The following RELL1 variants were observed in gnomAD, a reference collection of about 807,000 sequenced individuals.
The protein encoded by RELL1 is RELT like 1.
Under a neutral mutation model 23.0 loss-of-function variants are expected in RELL1, and 10 were observed. That is an observed-to-expected ratio of 0.43 (90% CI 0.27 to 0.74). The LOEUF is 0.74. Ranked by LOEUF, RELL1 falls within the 30% of genes least tolerant of loss-of-function variation. The pLI, the probability that RELL1 is intolerant of heterozygous loss-of-function variation, is 0.19. For missense variants in RELL1, 315 were observed against 364.4 expected, an observed-to-expected ratio of 0.86 and a Z score of 1.10; for synonymous variants, 146 against 146.8, an observed-to-expected ratio of 0.99 and a Z score of 0.04.
At chr4:37,618,288 G>A (rs572891880) in intron 6 of RELL1, among the ~76,000 whole-genome samples, 5 of 151,662 alleles carry the variant, frequency 3.3e-5, no homozygotes, top group South Asian at 4.2e-4. Context: ...ATGGCTTGCT[G>A]GAACCTCGAA....
intron 6 of RELL1, among the ~76,000 whole-genome samples, chr4:37,600,556 C>G (rs1367631097): frequency 2.0e-5 from 3 of 152,128 alleles, no homozygotes; most frequent in Non-Finnish European, 4.4e-5. Context: ...TTGTAGAACA[C>G]ACGGGAATTT....
chr4:37,587,897 A>T (rs541666687), downstream of RELL1, among the ~76,000 whole-genome samples: 7 of 152,296 alleles, frequency 4.6e-5, no homozygotes, highest in South Asian at 1.5e-3. Context: ...TGAACCTGGG[A>T]GGCAGAGGTT....
chr4:37,604,804 C>T (rs1577557796), intron 6 of RELL1, among the ~76,000 whole-genome samples: 1 of 72,356 alleles, frequency 1.4e-5, no homozygotes. Context: ...CACAGACACA[C>T]ACACAGACAC....
rs117123649 is a variant in RELL1, at chr4:37,666,541, T to C, written c.89-17041A>G. ...TAGCCATTATTGCTGTGATTATTAT[T>C]ATCTGTGGTAATAAGAGCAAAGCAG... On this transcript the variant is annotated intron_variant, in intron 1 of 6. Transcript: ENST00000454158. 0.016 allele frequency among the ~76,000 whole-genome samples: 2,429 copies of C among 152,356 alleles called. 157 individuals carry two copies. In the South Asian group the frequency reaches 0.17, roughly 11 times the overall value.
At chr4:37,589,558 A>C (rs1718491109), downstream of RELL1, among the ~76,000 whole-genome samples, 1 of 152,092 alleles carries the variant, frequency 6.6e-6, no homozygotes, top group South Asian at 2.1e-4. Flanking sequence ...AATTCTATGA[A>C]CCACTTTGTA....
downstream of RELL1, among the ~76,000 whole-genome samples, chr4:37,609,351 AT>A (rs1386489323): frequency 5.9e-5 from 9 of 152,212 alleles, no homozygotes; most frequent in Non-Finnish European, 1.3e-4. Context: ...AGAAAAAAAG[AT>A]TCCATTCAAA....
At chr4:37,672,230 T>C (rs1239858856) in intron 1 of RELL1, among the ~76,000 whole-genome samples, 1 of 152,144 alleles carries the variant, frequency 6.6e-6, no homozygotes, top group East Asian at 1.9e-4. Context: ...TGTAATCACA[T>C]GGTTGGTTCC....
At chr4:37,633,597 G>T (rs898048733) in intron 5 of RELL1, among the ~76,000 whole-genome samples, 1 of 151,980 alleles carries the variant, frequency 6.6e-6, no homozygotes. Context: ...GTCATGAATT[G>T]TGCTGTTTTG....
intron 4 of RELL1, among the ~76,000 whole-genome samples, chr4:37,635,496 G>T (rs1560339360): frequency 6.6e-6 from 1 of 152,088 alleles, no homozygotes. Context: ...GCATGATGGT[G>T]CGTGCCTGTA....
chr4:37,620,753 T>C (rs893865697), intron 6 of RELL1, among the ~76,000 whole-genome samples: 2 of 152,250 alleles, frequency 1.3e-5, no homozygotes, highest in South Asian at 2.1e-4. Context: ...TTATAGGTTA[T>C]GTCTAACCTG....
intron 1 of RELL1, among the ~76,000 whole-genome samples, chr4:37,661,058 CACAA>C (rs554922388): frequency 5.2e-4 from 78 of 151,442 alleles, no homozygotes; most frequent in South Asian, 2.7e-3. Context: ...AACAAAAAAC[CACAA>C]ACAAACAAAC....
Position 37,649,245 on chromosome 4 carries a change from A to G in RELL1, c.313+31T>C, listed in dbSNP as rs1444586573. 2.6e-6 allele frequency: 4 copies of G among 1,545,542 alleles called. No individual in the cohort carries two copies. In the Admixed American group the frequency reaches 5.1e-5, roughly 20 times the overall value. ...TTTCATATTTAAAAACTGTCTCCTC[A>G]CCCCCAATAAAAAGAGCCCTGGTTA... On this transcript the variant is annotated intron_variant, in intron 2 of 6. Transcript: ENST00000454158.
Position 37,658,386 on chromosome 4 carries a change from C to T in RELL1, c.89-8886G>A, listed in dbSNP as rs9995991. The stretch of plus-strand genomic sequence containing the variant: ...ATATCTGATTCACACTAGTTTATTA[C>T]AGCACTATCAATACTAACAACAGCC... On this transcript the variant is annotated intron_variant, in intron 1 of 6. Coordinates refer to ENST00000454158, the MANE Select transcript of RELL1 (RefSeq NM_001085400.2). Among the ~76,000 whole-genome samples the T allele has an allele frequency of 6.7e-3, 1,028 of 152,302 alleles. 11 individuals carry two copies. Among genetic ancestry groups the T allele is most frequent in the African/African-American group, 0.023 (962 of 41,566 alleles).
chr4:37,605,795 GAAAGAAAGAAAGAAAGAA>G (rs1195226745), downstream of RELL1, among the ~76,000 whole-genome samples: 11 of 76,686 alleles, frequency 1.4e-4, no homozygotes, highest in African/African-American at 5.3e-4. Flanking sequence ...GAAAGAAAGA[GAAAGAAAGAAAGAAAGAA>G]AGAAAGAAAG....
intron 6 of RELL1, among the ~76,000 whole-genome samples, chr4:37,604,264 T>A (rs747455079): frequency 1.3e-5 from 2 of 152,134 alleles, no homozygotes; most frequent in Non-Finnish European, 2.9e-5. Flanking sequence ...AACGTCCCCA[T>A]TCTACATTAC....
chr4:37,597,655 AT>A (rs1299543076), intron 6 of RELL1, among the ~76,000 whole-genome samples: 1 of 152,210 alleles, frequency 6.6e-6, no homozygotes, highest in Non-Finnish European at 1.5e-5. Context: ...AAAGCTTTAA[AT>A]TACCAATTTC....
intron 6 of RELL1, among the ~76,000 whole-genome samples, chr4:37,605,141 G>GT (rs1719155761): frequency 6.6e-6 from 1 of 152,214 alleles, no homozygotes; most frequent in Non-Finnish European, 1.5e-5. Context: ...CTTAGAACGA[G>GT]TACTATGGAG....
rs1036596479 is a variant in RELL1, at chr4:37,620,028, C to T, written c.*4-6686G>A. Reference sequence around the variant, plus strand: ...CTTCCATGAGTTGCATATTATAACCCCCAATTTGAGAAGGGGGCTTAATAA... The same window carrying T: ...CTTCCATGAGTTGCATATTATAACCTCCAATTTGAGAAGGGGGCTTAATAA... On this transcript the variant is annotated intron_variant, in intron 6 of 6. Transcript: ENST00000454158. Among the ~76,000 whole-genome samples the T allele has an allele frequency of 2.0e-5, 3 of 152,014 alleles. No homozygotes were observed. In the East Asian group the frequency reaches 5.8e-4, roughly 29 times the overall value.
intron 1 of RELL1, among the ~76,000 whole-genome samples, chr4:37,652,305 A>T (rs1720975488): frequency 6.6e-6 from 1 of 152,248 alleles, no homozygotes; most frequent in Non-Finnish European, 1.5e-5. Flanking sequence ...AACCTCCAGA[A>T]TTTGAAATAG....
Sources: gnomAD v4.1 joint callset for allele counts (sites outside exome capture counted in the v4.1 genomes callset) on GRCh38, gnomAD v4.1.1 for gene constraint, MANE v1.5 for transcripts, NCBI Gene and HGNC (gene_info 2026-07-23, HGNC 2026-07-21) for gene names.